Variants in MYORG observed in about 807,000 individuals in gnomAD.
MYORG encodes the protein alpha-galactosidase MYORG.
In MYORG, 45 loss-of-function variants were observed where a neutral mutation model predicts 49.8. That is an observed-to-expected ratio of 0.90 (90% CI 0.71 to 1.16). MYORG has a LOEUF of 1.16. Ranked by LOEUF, MYORG falls within the 50% of genes most tolerant of loss-of-function variation. The pLI is 0.00. For synonymous variants in MYORG, 552 were observed against 462.9 expected, an observed-to-expected ratio of 1.19 and a Z score of -2.47; for missense variants, 1,110 against 1,026.5, an observed-to-expected ratio of 1.08 and a Z score of -1.11.
chr9:34,371,870 A>T lies in MYORG; in HGVS notation c.1074T>A (p.Pro358=), dbSNP rs756400707. ...SHLEIDDMYT[P]AYGDFDFDEV... ...CATCGAAGTCGAAGTCGCCATAAGC[A>T]GGTGTGTACATGTCGTCGATTTCCA... The change falls in exon 2 of 2, where the codon CCT becomes CCA. Residue 358 remains proline, a synonymous_variant. Transcript: ENST00000297625. 1 of 1,613,960 alleles carries T rather than the reference A, an allele frequency of 6.2e-7. No individual in the cohort carries two copies. The highest frequency in any genetic ancestry group is 8.5e-7 in the Non-Finnish European group (1 of 1,179,908).
In MYORG at chr9:34,370,767, G is replaced by C. The variant is rs1820576110; in HGVS notation, c.*32C>G. 2.0e-6 allele frequency: 3 copies of C among 1,535,076 alleles called. No homozygotes were observed. The highest frequency in any genetic ancestry group is 1.9e-5 in the Admixed American group (1 of 52,220). Reference sequence around the variant, plus strand: ...GGGTTCAAGGTCTGCATGAAGACTGGGGGCTTTGCGGTTACCGGGCCCTGG... The same window carrying C: ...GGGTTCAAGGTCTGCATGAAGACTGCGGGCTTTGCGGTTACCGGGCCCTGG... On this transcript the variant is annotated 3_prime_UTR_variant, in exon 2 of 2. Coordinates refer to ENST00000297625, the MANE Select transcript of MYORG (RefSeq NM_020702.5).
At position 34,376,362 on chromosome 9, in the gene MYORG, C is replaced by T. The variant is rs989557032; in HGVS notation, c.-64+431G>A. Among the ~76,000 whole-genome samples, 1 of 152,242 alleles carries T rather than the reference C, an allele frequency of 6.6e-6. No individual in the cohort carries two copies. Among genetic ancestry groups the T allele is most frequent in the Non-Finnish European group, 1.5e-5 (1 of 68,048 alleles). On this transcript the variant is annotated intron_variant, in intron 1 of 1. Transcript: ENST00000297625. This position sits in a 1 kb window ranked among gnomAD's most constrained non-coding sequence, Gnocchi z 4.4. ...CCCTGCTGAGCCTCTCCCCACCGGA[C>T]ACTCAACCTCAGCCTTGGCTGCCAC...
chr9:34,369,041 C>T lies in MYORG; in HGVS notation c.*1758G>A, dbSNP rs1008011688. ...AATGAGAACTAAGCAAAAGGGGAAACCTCTTATAAAATCATCAGCTCTCAT... is the reference window on the plus strand; with the variant it reads ...AATGAGAACTAAGCAAAAGGGGAAATCTCTTATAAAATCATCAGCTCTCAT... On this transcript the variant is annotated 3_prime_UTR_variant, in exon 2 of 2. Transcript: ENST00000297625. 6.6e-6 allele frequency: 1 copy of T among 152,180 alleles called. No individual in the cohort carries two copies. Among genetic ancestry groups the T allele is most frequent in the Non-Finnish European group, 1.5e-5 (1 of 68,030 alleles). The allele number at this position is 152,180 out of a possible 1,614,324, so 9.4% of individuals were successfully genotyped here.
intron 1 of MYORG, among the ~76,000 whole-genome samples, chr9:34,375,278 G>A (rs1820701826): frequency 6.6e-6 from 1 of 152,172 alleles, no homozygotes; most frequent in African/African-American, 2.4e-5. Context: ...TCAATACACA[G>A]CTCCTCCCAT....
In MYORG at chr9:34,371,877, T is replaced by C; in HGVS notation, c.1067A>G (p.Tyr356Cys). 6.2e-7 allele frequency: 1 copy of C among 1,614,066 alleles called. No individual in the cohort carries two copies. Residue 356 changes from tyrosine (Y) to cysteine (C), a missense_variant, in exon 2 of 2, where the codon TAC becomes TGC. Physicochemically the swap from Tyr to Cys is radical, Grantham distance 194. Coordinates refer to ENST00000297625, the MANE Select transcript of MYORG (RefSeq NM_020702.5). ...GTCGAAGTCGCCATAAGCAGGTGTG[T>C]ACATGTCGTCGATTTCCAGGTGGCT... ...NSSHLEIDDM[Y>C]TPAYGDFDFD...
rs368372290 is a variant in MYORG at position 34,371,036 on chromosome 9, G to A, written c.1908C>T (p.Pro636=). ...CGTCGCCGGGCGCAATCCACCAAAGGGGGCGCACGATAGGGTCACCCGTGT... is the reference window on the plus strand; with the variant it reads ...CGTCGCCGGGCGCAATCCACCAAAGAGGGCGCACGATAGGGTCACCCGTGT... ...VTDTGDPIVR[P]LWWIAPGDET... Residue 636 remains proline (P), a synonymous_variant, in exon 2 of 2, where the codon CCC becomes CCT. Coordinates refer to ENST00000297625, the MANE Select transcript of MYORG (RefSeq NM_020702.5). 140 of 1,613,048 alleles carry A rather than the reference G, an allele frequency of 8.7e-5. No individual in the cohort carries two copies. The African/African-American group carries it at 1.5e-3, about 17-fold the overall frequency.
In MYORG at chr9:34,372,485, C is replaced by G; in HGVS notation, c.459G>C (p.Lys153Asn). 1 of 1,598,190 alleles carries G rather than the reference C, an allele frequency of 6.3e-7. No homozygotes were observed. The highest frequency in any genetic ancestry group is 1.1e-5 in the South Asian group (1 of 88,896). ...LHFFIQTVRP[K>N]DTVMCYRVRW... ...GCACGCGGTAGCACATGACCGTGTC[C>G]TTGGGCCGCACAGTCTGGATGAAGA... The change falls in exon 2 of 2, where the codon AAG becomes AAC. Residue 153 changes from lysine (K) to asparagine (N), a missense_variant. Lys to Asn is a moderately conservative substitution (Grantham distance 94, BLOSUM62 0). Coordinates refer to ENST00000297625, the MANE Select transcript of MYORG (RefSeq NM_020702.5).
At chr9:34,375,243 G>A (rs1820701511) in intron 1 of MYORG, among the ~76,000 whole-genome samples, 1 of 152,214 alleles carries the variant, frequency 6.6e-6, no homozygotes, top group African/African-American at 2.4e-5. Context: ...AATGCAAGGT[G>A]TGGAGCAGAA....
intron 1 of MYORG, 67 bp from the exon 2 acceptor site, chr9:34,373,073 A>G (rs1227737245): frequency 2.6e-6 from 3 of 1,150,838 alleles, no homozygotes; most frequent in Non-Finnish European, 2.5e-6. Context: ...TGCTGCCGCA[A>G]GCTAAGAGGA....
Position 34,370,979 on chromosome 9 carries a change from A to G in MYORG, c.1965T>C (p.Leu655=). ...ETAHRIDSQF[L]IGDTLLVAPV... is the part of the protein sequence containing the mutation. ...GGGCCACAAGCAGCGTGTCCCCAATAAGGAACTGCGAGTCGATACGGTGAG... is the reference window on the plus strand; with the variant it reads ...GGGCCACAAGCAGCGTGTCCCCAATGAGGAACTGCGAGTCGATACGGTGAG... Residue 655 remains leucine, a synonymous_variant, in exon 2 of 2, where the codon CTT becomes CTC. Coordinates refer to ENST00000297625, the MANE Select transcript of MYORG (RefSeq NM_020702.5). 6 of 1,613,476 alleles carry G rather than the reference A, an allele frequency of 3.7e-6. No individual in the cohort carries two copies. Among genetic ancestry groups the G allele is most frequent in the Non-Finnish European group, 5.1e-6 (6 of 1,179,854 alleles).
chr9:34,373,305 C>G (rs1012249164), intron 1 of MYORG, among the ~76,000 whole-genome samples: 2 of 152,140 alleles, frequency 1.3e-5, no homozygotes, highest in Non-Finnish European at 2.9e-5. Context: ...GGTCAGGAAG[C>G]TTTCCAGGAT....
Position 34,371,480 on chromosome 9 carries a change from C to T in MYORG, c.1464G>A (p.Arg488=), listed in dbSNP as rs1563981612. ...AGGGCAGCGCCATCTCAGTGTAGCG[C>T]CGGCTCCAGACGCTGGGGTCCGGCA... ...RPLPDPSVWS[R]RYTEMALPFF... is the part of the protein sequence containing the mutation. The change falls in exon 2 of 2, where the codon CGG becomes CGA. Residue 488 remains arginine, a synonymous_variant. Transcript: ENST00000297625. The T allele has an allele frequency of 1.9e-6, 3 of 1,612,200 alleles. No individual in the cohort carries two copies. The highest frequency in any genetic ancestry group is 2.5e-6 in the Non-Finnish European group (3 of 1,179,760).
At position 34,371,666 on chromosome 9, in the gene MYORG, C is replaced by CCACCAGCG. The variant is rs779658130; in HGVS notation, c.1270_1277dup (p.Trp426CysfsTer11). On this transcript the variant is annotated frameshift_variant, in exon 2 of 2. Transcript: ENST00000297625. LOFTEE classifies it high-confidence loss of function. ...AGTCTAGCACCGCGCCGATGCCGTT[C>CCACCAGCG]CACCAGCGCACCAGCGCAGGTAACC... 6.8e-6 allele frequency: 11 copies of CCACCAGCG among 1,607,472 alleles called. No homozygotes were observed. The highest frequency in any genetic ancestry group is 1.3e-5 in the African/African-American group (1 of 74,818).
rs766863116 is a variant in MYORG, at chr9:34,372,818, G to A, written c.126C>T (p.Asn42=). The change falls in exon 2 of 2, where the codon AAC becomes AAT. Residue 42 remains asparagine (N), a synonymous_variant. Transcript: ENST00000297625. The part of the protein sequence containing the change: ...AAAMYTFLPD[N]FSPAKPKPSK... ...AAGGCTTGGGCTTGGCAGGTGAGAA[G>A]TTGTCGGGCAGGAAGGTGTACATAG... The A allele has an allele frequency of 1.2e-6, 2 of 1,614,050 alleles. No homozygotes were observed. Among genetic ancestry groups the A allele is most frequent in the African/African-American group, 1.3e-5 (1 of 75,078 alleles).
In MYORG at chr9:34,371,018, G is replaced by A. The variant is rs753531797; in HGVS notation, c.1926C>T (p.Pro642=). ...PIVRPLWWIA[P]GDETAHRIDS... is the part of the protein sequence containing the mutation. ...CGATACGGTGAGCTGTCTCGTCGCC[G>A]GGCGCAATCCACCAAAGGGGGCGCA... The change falls in exon 2 of 2, where the codon CCC becomes CCT. Residue 642 remains proline (P), a synonymous_variant. Coordinates refer to ENST00000297625, the MANE Select transcript of MYORG (RefSeq NM_020702.5). The A allele has an allele frequency of 1.2e-6, 2 of 1,613,224 alleles. No homozygotes were observed. The highest frequency in any genetic ancestry group is 1.7e-6 in the Non-Finnish European group (2 of 1,179,876).
intron 1 of MYORG, among the ~76,000 whole-genome samples, chr9:34,375,511 C>A (rs563008901): frequency 7.9e-5 from 12 of 152,294 alleles, no homozygotes; most frequent in Admixed American, 2.0e-4. Context: ...TCAAGCTGAG[C>A]AGAACCCAAA....
rs758249010 is a variant in MYORG at position 34,372,436 on chromosome 9, G to A, written c.508C>T (p.Arg170Trp). 13 of 1,580,214 alleles carry A rather than the reference G, an allele frequency of 8.2e-6. No individual in the cohort carries two copies. The highest frequency in any genetic ancestry group is 1.7e-4 in the Middle Eastern group (1 of 5,898). Residue 170 changes from arginine (R) to tryptophan (W), a missense_variant, in exon 2 of 2, where the codon CGG becomes TGG. Transcript: ENST00000297625. ...RVRWEEAAPG[R>W]AVEHAMFLGD... The stretch of plus-strand genomic sequence containing the variant: ...AAGAACATGGCGTGCTCCACGGCCC[G>A]GCCCGGCGCTGCCTCCTCCCAGCGC...
At chr9:34,375,261 CTAAATGTCAA>C in intron 1 of MYORG, among the ~76,000 whole-genome samples, 1 of 152,154 alleles carries the variant, frequency 6.6e-6, no homozygotes, top group East Asian at 1.9e-4. Context: ...GAATTTGATC[CTAAATGTCAA>C]TACACAGCTC....
intron 1 of MYORG, among the ~76,000 whole-genome samples, 161 bp from the exon 2 acceptor site, chr9:34,373,167 C>T (rs898921010): frequency 6.6e-6 from 1 of 152,154 alleles, no homozygotes; most frequent in Non-Finnish European, 1.5e-5. Flanking sequence ...ACAATCTGTG[C>T]CTAACCCACC....
Sources: allele counts gnomAD v4.1 joint callset (sites outside exome capture counted in the v4.1 genomes callset), GRCh38; gene constraint gnomAD v4.1.1; non-coding constraint Gnocchi (gnomAD v3.1); transcripts MANE v1.5; gene names NCBI Gene and HGNC (gene_info 2026-07-23, HGNC 2026-07-21).